Variants in ITPR1 observed in about 807,000 individuals in gnomAD.
ITPR1 encodes inositol 1,4,5-trisphosphate-gated calcium channel ITPR1.
In ITPR1, 96 loss-of-function variants were observed where a neutral mutation model predicts 318.4. The observed-to-expected ratio is 0.30, with a 90% CI of 0.26 to 0.36. The LOEUF (loss-of-function observed/expected upper bound fraction) is 0.36, where lower values mean the gene tolerates loss of function less well. ITPR1 is among the 10% of genes least tolerant of loss of function. The pLI, the probability that ITPR1 is intolerant of heterozygous loss-of-function variation, is 1.00. For missense variants in ITPR1, 2,440 were observed against 3,460.2 expected (o/e 0.71, Z 7.40); for synonymous variants, 1,312 against 1,289.9 (o/e 1.02, Z -0.37).
rs1285481174 is a variant in ITPR1 at position 4,811,312 on chromosome 3, A to G, written c.7320A>G (p.Lys2440=). 6.2e-7 allele frequency: 1 copy of G among 1,611,572 alleles called. No homozygotes were observed. Among genetic ancestry groups the G allele is most frequent in the African/African-American group, 1.3e-5 (1 of 74,862 alleles). ...AAGAGACTTTGCTTAATGTCATTAA[A>G]AGTGTCACTCGCAATGGACGGTCCA... is the stretch of plus-strand genomic sequence containing the variant. ...YREETLLNVI[K]SVTRNGRSII... is the part of the protein sequence containing the mutation. The change falls in exon 56 of 62, where the codon AAA becomes AAG. Residue 2440 remains lysine, a synonymous_variant. Coordinates refer to ENST00000649015, the MANE Select transcript of ITPR1 (RefSeq NM_001378452.1).
chr3:4,622,999 G>C (rs2092697732), intron 4 of ITPR1, among the ~76,000 whole-genome samples: 1 of 152,200 alleles, frequency 6.6e-6, no homozygotes, highest in South Asian at 2.1e-4. Flanking sequence ...GGTTTCTGCT[G>C]GTCTGGCAAC....
chr3:4,759,285 C>T (rs1322684683), intron 44 of ITPR1, among the ~76,000 whole-genome samples: 1 of 152,212 alleles, frequency 6.6e-6, no homozygotes, highest in African/African-American at 2.4e-5. Flanking sequence ...ATATTATTTT[C>T]AAGGCTGATC....
intron 46 of ITPR1, among the ~76,000 whole-genome samples, chr3:4,773,262 G>C (rs2046300602): frequency 6.6e-6 from 1 of 152,234 alleles, no homozygotes; most frequent in Admixed American, 6.5e-5. Context: ...GAGAGCAACA[G>C]GCAGAGGGCA....
At chr3:4,673,643 C>T (rs1430976853) in intron 21 of ITPR1, among the ~76,000 whole-genome samples, 1 of 152,132 alleles carries the variant, frequency 6.6e-6, no homozygotes, top group Admixed American at 6.5e-5. Context: ...ACTGCAGTGG[C>T]GCAATCTCGG....
rs772834996 is a variant in ITPR1, at chr3:4,680,613, G to C, written c.3028G>C (p.Glu1010Gln). The C allele has an allele frequency of 1.4e-5, 23 of 1,613,658 alleles. No individual in the cohort carries two copies. The highest frequency in any genetic ancestry group is 1.9e-5 in the Non-Finnish European group (23 of 1,179,612). Residue 1010 changes from glutamate (E) to glutamine (Q), a missense_variant, in exon 25 of 62, where the codon GAG becomes CAG. Transcript: ENST00000649015. The stretch of plus-strand genomic sequence containing the variant: ...CTGCCTCCTGTGTATATTTAAGCGA[G>C]AGTTTGATGAAAGCAATTCCCAGAC... ...ISCLLCIFKR[E>Q]FDESNSQTSE...
chr3:4,732,580 G>T (rs996433184), intron 42 of ITPR1, among the ~76,000 whole-genome samples: 2 of 151,922 alleles, frequency 1.3e-5, no homozygotes, highest in African/African-American at 2.4e-5. Flanking sequence ...TTTGTCTTTT[G>T]TTTTTTTAAC....
intron 36 of ITPR1, 34 bp downstream of exon 36, chr3:4,702,984 GA>G: frequency 6.3e-7 from 1 of 1,599,806 alleles, no homozygotes; most frequent in Non-Finnish European, 8.6e-7. Context: ...TATACGTGAT[GA>G]AAATGAATTG....
At chr3:4,811,030 G>A (rs985676851) in intron 55 of ITPR1, among the ~76,000 whole-genome samples, 5 of 152,172 alleles carry the variant, frequency 3.3e-5, no homozygotes, top group African/African-American at 9.7e-5. Context: ...AAATGGCTCT[G>A]GATACTACTT....
At chr3:4,764,962 A>C (rs1292300888) in intron 44 of ITPR1, among the ~76,000 whole-genome samples, 163 of 147,878 alleles carry the variant, frequency 1.1e-3, no homozygotes, top group African/African-American at 3.8e-3. Flanking sequence ...GGATGGATGG[A>C]TGGATGGATG....
At position 4,685,149 on chromosome 3, in the gene ITPR1, C is replaced by T; in HGVS notation, c.3645C>T (p.Leu1215=). The change falls in exon 30 of 62, where the codon CTC becomes CTT. Residue 1215 remains leucine, a synonymous_variant. Transcript: ENST00000649015. The part of the protein sequence containing the change: ...RKSRKQQQRL[L]RNMGAHAVVL... ...GCAGGAAGCAGCAACAGCGTCTGCTCCGGAACATGGGCGCGCACGCCGTGG... is the reference window on the plus strand; with the variant it reads ...GCAGGAAGCAGCAACAGCGTCTGCTTCGGAACATGGGCGCGCACGCCGTGG... 6.2e-7 allele frequency: 1 copy of T among 1,609,894 alleles called. No individual in the cohort carries two copies. Among genetic ancestry groups the T allele is most frequent in the African/African-American group, 1.3e-5 (1 of 75,022 alleles).
chr3:4,597,071 C>A (rs1276067599), intron 4 of ITPR1, among the ~76,000 whole-genome samples: 1 of 152,202 alleles, frequency 6.6e-6, no homozygotes, highest in South Asian at 2.1e-4. Context: ...AAGGGGTCTT[C>A]TTATTCGCCT....
chr3:4,778,920 G>A (rs1466596951), intron 48 of ITPR1, among the ~76,000 whole-genome samples: 1 of 152,190 alleles, frequency 6.6e-6, no homozygotes, highest in East Asian at 1.9e-4. Flanking sequence ...CTAAAATGAA[G>A]TCAAGCCAGG....
intron 47 of ITPR1, among the ~76,000 whole-genome samples, chr3:4,776,783 G>A (rs2046513612): frequency 1.3e-5 from 2 of 152,186 alleles, no homozygotes; most frequent in African/African-American, 2.4e-5. Flanking sequence ...AGTGGATTGT[G>A]CTGCAAACGG....
At chr3:4,731,106 A>G (rs967629734) in intron 42 of ITPR1, among the ~76,000 whole-genome samples, 1 of 152,260 alleles carries the variant, frequency 6.6e-6, no homozygotes, top group African/African-American at 2.4e-5. Flanking sequence ...ATCATATTCA[A>G]CATGGAGACA....
chr3:4,565,849 G>A (rs4685766), intron 4 of ITPR1, among the ~76,000 whole-genome samples: 66,110 of 152,112 alleles, frequency 0.43, 15,551 homozygotes, highest in East Asian at 0.58. Context: ...TTTGAAAAGC[G>A]ATTTTCATGT....
chr3:4,749,470 G>A (rs2044341584), intron 44 of ITPR1: 1 of 152,166 alleles, frequency 6.6e-6, no homozygotes, highest in African/African-American at 2.4e-5. Flanking sequence ...TGAAAACACT[G>A]TATATAGAAT....
intron 52 of ITPR1, among the ~76,000 whole-genome samples, chr3:4,793,664 A>G (rs778737682): frequency 4.0e-4 from 61 of 152,276 alleles, no homozygotes; most frequent in Non-Finnish European, 5.7e-4. Flanking sequence ...CCCCCATTCA[A>G]TTGTCACATG....
chr3:4,777,691 A>G (rs2046564634), intron 48 of ITPR1, among the ~76,000 whole-genome samples: 1 of 152,166 alleles, frequency 6.6e-6, no homozygotes, highest in Non-Finnish European at 1.5e-5. Flanking sequence ...CAAAGAGAGA[A>G]ACAGTGGAAA....
At chr3:4,725,680 C>G (rs1177455955) in intron 41 of ITPR1, 99 bp downstream of exon 41, 2 of 1,074,582 alleles carry the variant, frequency 1.9e-6, no homozygotes, top group Non-Finnish European at 2.8e-6. Context: ...CAAAAAGTCT[C>G]TCCCGGTGGT....
Sources: allele counts gnomAD v4.1 joint callset (sites outside exome capture counted in the v4.1 genomes callset), GRCh38; gene constraint gnomAD v4.1.1; transcripts MANE v1.5; gene names NCBI Gene and HGNC (gene_info 2026-07-23, HGNC 2026-07-21).